The following PLB1 variants were observed in gnomAD, a reference collection of about 807,000 sequenced individuals.
PLB1 encodes the protein phospholipase B1, also known as phospholipase B1, membrane-associated.
PLB1 carries 242 observed loss-of-function variants against 227.4 expected under a neutral mutation model. The ratio of observed to expected loss-of-function variants is 1.06; its 90% CI spans 0.96 to 1.18. PLB1 has a LOEUF of 1.18. Among genes scored for constraint, PLB1 ranks in the 50% most tolerant of loss-of-function variants. The pLI, the probability that PLB1 is intolerant of heterozygous loss-of-function variation, is 0.00. For missense variants in PLB1, 1,858 were observed against 1,816.3 expected, an observed-to-expected ratio of 1.02 and a Z score of -0.42; for synonymous variants, 757 against 682.2, an observed-to-expected ratio of 1.11 and a Z score of -1.71.
intron 33 of PLB1, chr2:28,594,671 C>T (rs890773400): frequency 2.6e-5 from 4 of 152,648 alleles, no homozygotes; most frequent in East Asian, 3.9e-4. Context: ...CGCCATCACT[C>T]GGCCTGTACC....
intron 9 of PLB1, among the ~76,000 whole-genome samples, chr2:28,536,886 A>G (rs112204256): frequency 2.4e-3 from 359 of 152,236 alleles, no homozygotes; most frequent in African/African-American, 8.2e-3. Flanking sequence ...CTGCAAGTAA[A>G]CACCTTGACC....
intron 21 of PLB1, among the ~76,000 whole-genome samples, chr2:28,576,976 C>T (rs1009640131): frequency 1.3e-5 from 2 of 152,192 alleles, no homozygotes; most frequent in Non-Finnish European, 2.9e-5. Context: ...AGCCCTGTGC[C>T]AGGGACTTTG....
chr2:28,621,308 G>C (rs750051743), intron 49 of PLB1, among the ~76,000 whole-genome samples: 1 of 152,138 alleles, frequency 6.6e-6, no homozygotes, highest in Non-Finnish European at 1.5e-5. Flanking sequence ...CCCTGGACCC[G>C]GGCGCTGTCC....
intron 14 of PLB1, among the ~76,000 whole-genome samples, chr2:28,546,211 C>T (rs1245528711): frequency 6.6e-6 from 1 of 152,202 alleles, no homozygotes; most frequent in Non-Finnish European, 1.5e-5. Flanking sequence ...TCCCTAGGCC[C>T]TTTCTGCTGC....
chr2:28,592,170 C>A (rs1037075178), intron 31 of PLB1, among the ~76,000 whole-genome samples: 3 of 152,064 alleles, frequency 2.0e-5, no homozygotes, highest in Non-Finnish European at 4.4e-5. Context: ...GATGTGGGGG[C>A]AAGGAAAGGC....
rs142391070 is a variant in PLB1, at chr2:28,523,679, C to T, written c.244-1588C>T. On this transcript the variant is annotated intron_variant, in intron 4 of 57. Transcript: ENST00000327757. ...TCCCAACATCTCTCTTTACCACCCT[C>T]TCCTCCAATCAAGTTCATTTGCAGG... 6.0e-4 allele frequency among the ~76,000 whole-genome samples: 91 copies of T among 152,288 alleles called. No individual in the cohort carries two copies. In the East Asian group the frequency reaches 0.016, roughly 26 times the overall value.
At chr2:28,612,769 A>ATTTTTTTTTTTTTTT (rs10557060) in intron 43 of PLB1, among the ~76,000 whole-genome samples, 82 of 124,906 alleles carry the variant, frequency 6.6e-4, no homozygotes, top group African/African-American at 2.4e-3. Flanking sequence ...CCACACCTGG[A>ATTTTTTTTTTTTTTT]TTTTTTTTTT....
chr2:28,615,093 A>G (rs757746129), intron 44 of PLB1, among the ~76,000 whole-genome samples: 4 of 152,180 alleles, frequency 2.6e-5, no homozygotes, highest in Non-Finnish European at 2.9e-5. Flanking sequence ...TGAGACATGC[A>G]TAATGAGGAG....
chr2:28,614,119 C>G, intron 44 of PLB1, 23 bp downstream of exon 44: 2 of 1,588,770 alleles, frequency 1.3e-6, no homozygotes, highest in Non-Finnish European at 1.7e-6. Context: ...TCACATCTGC[C>G]TCTCTCAGAC....
chr2:28,568,760 T>G (rs1050338376), intron 20 of PLB1, among the ~76,000 whole-genome samples: 1 of 152,208 alleles, frequency 6.6e-6, no homozygotes, highest in Admixed American at 6.5e-5. Flanking sequence ...TAACCCTGTC[T>G]TCTGAAAAGG....
intron 56 of PLB1, among the ~76,000 whole-genome samples, chr2:28,635,309 A>G (rs1211140780): frequency 1.3e-5 from 2 of 152,182 alleles, no homozygotes; most frequent in African/African-American, 2.4e-5. Flanking sequence ...TTTCACCCCT[A>G]GAGTAACAAA....
intron 1 of PLB1, among the ~76,000 whole-genome samples, chr2:28,514,174 C>G (rs930726577): frequency 1.3e-5 from 2 of 152,170 alleles, no homozygotes; most frequent in Non-Finnish European, 2.9e-5. Flanking sequence ...AATTGTTGTT[C>G]CAGCATCATT....
rs1688908042 is a variant in PLB1, at chr2:28,633,334, A to C, written c.4098+295A>C. 4 of 389,970 alleles carry C rather than the reference A, an allele frequency of 1.0e-5. No homozygotes were observed. In the Admixed American group the frequency reaches 1.3e-4, roughly 13 times the overall value. 24.2% of individuals were successfully genotyped at this position (389,970 alleles called of 1,614,324 possible). A position where few individuals can be genotyped will look rare whatever the true frequency, so the allele number is the denominator to read the frequency against. On this transcript the variant is annotated intron_variant, in intron 56 of 57. Coordinates refer to ENST00000327757, the MANE Select transcript of PLB1 (RefSeq NM_153021.5). ...TGTAATCAGATAGGTTGGCTAGATG[A>C]AAATACCAACTTCTACCTCGTACTG... is the stretch of plus-strand genomic sequence containing the variant.
At chr2:28,638,240 G>A (rs1201612767) in intron 56 of PLB1, among the ~76,000 whole-genome samples, 2 of 151,962 alleles carry the variant, frequency 1.3e-5, no homozygotes, top group Non-Finnish European at 2.9e-5. Flanking sequence ...TGGTGGGGGA[G>A]AGGGAGGCCT....
chr2:28,539,748 T>C (rs1450485978), intron 11 of PLB1, among the ~76,000 whole-genome samples: 1 of 151,520 alleles, frequency 6.6e-6, no homozygotes, highest in Admixed American at 6.6e-5. Context: ...CTGAAGAGGA[T>C]GCAAGACAGA....
Position 28,643,967 on chromosome 2 carries a change from T to C in PLB1, c.*906T>C, listed in dbSNP as rs1206161670. 6.6e-6 allele frequency among the ~76,000 whole-genome samples: 1 copy of C among 152,216 alleles called. No individual in the cohort carries two copies. The highest frequency in any genetic ancestry group is 6.5e-5 in the Admixed American group (1 of 15,290). On this transcript the variant is annotated 3_prime_UTR_variant, in exon 58 of 58. Coordinates refer to ENST00000327757, the MANE Select transcript of PLB1 (RefSeq NM_153021.5). The stretch of plus-strand genomic sequence containing the variant: ...TGGAGGCCTTCCACAGATGGTCTCT[T>C]TTATGCTGCACAAAAGCCCAGGGAG...
At chr2:28,503,367 C>T (rs542085871) in intron 1 of PLB1, among the ~76,000 whole-genome samples, 46 of 152,132 alleles carry the variant, frequency 3.0e-4, no homozygotes, top group African/African-American at 1.1e-3. Context: ...CTTTCCCAGG[C>T]TGGTCTTGAA....
chr2:28,606,427 T>C (rs539840885), intron 42 of PLB1, 69 bp from the exon 43 acceptor site: 2 of 1,473,572 alleles, frequency 1.4e-6, no homozygotes, highest in Non-Finnish European at 1.9e-6. Flanking sequence ...TGCAGGATTC[T>C]GCCAGGGAAT....
chr2:28,510,778 T>TTGTGTGTGTGTGTGTTTG (rs1668153380), intron 1 of PLB1, among the ~76,000 whole-genome samples: 1 of 141,538 alleles, frequency 7.1e-6, no homozygotes, highest in Non-Finnish European at 1.5e-5. Context: ...ACTCAGATAA[T>TTGTGTGTGTGTGTGTTTG]TGTGTGTGTG....
Sources: gnomAD v4.1 joint callset for allele counts (sites outside exome capture counted in the v4.1 genomes callset) on GRCh38, gnomAD v4.1.1 for gene constraint, MANE v1.5 for transcripts, NCBI Gene and HGNC (gene_info 2026-07-23, HGNC 2026-07-21) for gene names.